The following PRKCA variants were observed in gnomAD, a reference collection of about 807,000 sequenced individuals.
The protein encoded by PRKCA is protein kinase C alpha type.
In PRKCA, 27 loss-of-function variants were observed where a neutral mutation model predicts 87.0. That is an observed-to-expected ratio of 0.31 (90% confidence interval 0.23 to 0.43). PRKCA has a LOEUF of 0.43. PRKCA is among the 20% of genes least tolerant of loss of function. The pLI is 1.00. For missense variants in PRKCA, 518 were observed against 852.3 expected (o/e 0.61, Z 4.88); for synonymous variants, 329 against 311.1 (o/e 1.06, Z -0.61).
At chr17:66,729,780 C>CT (rs60247180) in intron 8 of PRKCA, among the ~76,000 whole-genome samples, 3,276 of 105,034 alleles carry the variant, frequency 0.031, 169 homozygotes, top group African/African-American at 0.037. Flanking sequence ...GCGAGTTATT[C>CT]TTTTTTTTTT....
intron 2 of PRKCA, among the ~76,000 whole-genome samples, chr17:66,433,908 G>A (rs1913234317): frequency 6.6e-6 from 1 of 152,138 alleles, no homozygotes; most frequent in Non-Finnish European, 1.5e-5. Flanking sequence ...GCACCTGGTT[G>A]TTAACTGAGT....
At chr17:66,493,363 C>T (rs1916328110) in intron 2 of PRKCA, among the ~76,000 whole-genome samples, 2 of 150,622 alleles carry the variant, frequency 1.3e-5, no homozygotes, top group South Asian at 4.2e-4. Flanking sequence ...TCCTGTTACC[C>T]ATGTAAAAAA....
rs1331647560 is a variant in PRKCA at position 66,796,333 on chromosome 17, A to G, written c.1854+7354A>G. 4.8e-6 allele frequency: 3 copies of G among 620,394 alleles called. No homozygotes were observed. The African/African-American group carries it at 6.0e-5, about 12-fold the overall frequency. The allele number at this position is 620,394 out of a possible 1,614,324, so 38.4% of individuals were successfully genotyped here. ...CAATGTATCCGACAGGTGTTTCCGC[A>G]TCAGCTCACGTGGGTTTATAGCATT... On this transcript the variant is annotated intron_variant, in intron 16 of 16. Coordinates refer to ENST00000413366, the MANE Select transcript of PRKCA (RefSeq NM_002737.3).
intron 2 of PRKCA, among the ~76,000 whole-genome samples, chr17:66,489,361 A>G (rs1916122741): frequency 1.7e-5 from 1 of 59,296 alleles, no homozygotes; most frequent in African/African-American, 7.1e-5. Flanking sequence ...GCATATATAT[A>G]TATATATATA....
chr17:66,374,757 T>C lies in PRKCA; in HGVS notation c.205+68630T>C, dbSNP rs867790542. Among the ~76,000 whole-genome samples the C allele has an allele frequency of 7.6e-4, 110 of 144,116 alleles. 1 individual carries two copies. Among genetic ancestry groups the C allele is most frequent in the African/African-American group, 2.7e-3 (105 of 38,630 alleles). 94.5% of individuals were successfully genotyped at this position (144,116 alleles called of 152,430 possible). A position where few individuals can be genotyped will look rare whatever the true frequency, so the allele number is the denominator to read the frequency against. On this transcript the variant is annotated intron_variant, in intron 2 of 16. Coordinates refer to ENST00000413366, the MANE Select transcript of PRKCA (RefSeq NM_002737.3). ...TTTTTTTTCTTTCTGAGACACGGTCTTGCTCTGTCGTCCAGGCTGGAGCAC... is the reference window on the plus strand; with the variant it reads ...TTTTTTTTCTTTCTGAGACACGGTCCTGCTCTGTCGTCCAGGCTGGAGCAC...
intron 16 of PRKCA, among the ~76,000 whole-genome samples, chr17:66,789,606 A>G (rs928441598): frequency 3.3e-5 from 5 of 152,134 alleles, no homozygotes; most frequent in African/African-American, 1.2e-4. Flanking sequence ...TACGAATATT[A>G]ATTCACTCAA....
Position 66,605,320 on chromosome 17 carries a change from G to T in PRKCA, c.289-36035G>T, listed in dbSNP as rs541630706. On this transcript the variant is annotated intron_variant, in intron 3 of 16. Transcript: ENST00000413366. ...CCCATGAGACCTGTGGGACTCCAAA[G>T]CTGGTGCTTTTCTCATTAGAACATG... 3.3e-5 allele frequency among the ~76,000 whole-genome samples: 5 copies of T among 152,290 alleles called. No homozygotes were observed. In the South Asian group the frequency reaches 6.2e-4, roughly 19 times the overall value.
At chr17:66,700,808 A>G (rs1254529112) in intron 8 of PRKCA, among the ~76,000 whole-genome samples, 2 of 152,172 alleles carry the variant, frequency 1.3e-5, no homozygotes, top group African/African-American at 4.8e-5. Flanking sequence ...ACCTAAATAA[A>G]TGGGAAGATA....
intron 14 of PRKCA, chr17:66,778,008 GCCTCAGA>G (rs917335493): frequency 4.5e-5 from 44 of 985,268 alleles, no homozygotes; most frequent in Middle Eastern, 5.2e-4. Context: ...TGCCACACTG[GCCTCAGA>G]CCTCATTTGC....
chr17:66,333,288 A>C (rs116066174), intron 2 of PRKCA, among the ~76,000 whole-genome samples: 2,134 of 152,330 alleles, frequency 0.014, 52 homozygotes, highest in African/African-American at 0.049. Flanking sequence ...GCAAATAAGC[A>C]TAATTTTTAA....
chr17:66,566,481 T>G (rs12942269), intron 3 of PRKCA, among the ~76,000 whole-genome samples: 1 of 67,364 alleles, frequency 1.5e-5, no homozygotes, highest in Non-Finnish European at 3.6e-5. Flanking sequence ...TGTTTTTTGG[T>G]TTTTTTTTTT....
intron 2 of PRKCA, among the ~76,000 whole-genome samples, chr17:66,493,774 A>G (rs1000825396): frequency 2.0e-4 from 31 of 152,254 alleles, no homozygotes; most frequent in African/African-American, 5.8e-4. Flanking sequence ...TGCTCAGTAA[A>G]TGGTGCTGTG....
intron 13 of PRKCA, among the ~76,000 whole-genome samples, chr17:66,746,100 C>T (rs1035223142): frequency 1.3e-5 from 2 of 151,480 alleles, no homozygotes; most frequent in Non-Finnish European, 2.9e-5. Context: ...AAACATCAGG[C>T]ACCACTGCTT....
At chr17:66,783,094 CTGACATGTGG>C (rs1236731435) in intron 14 of PRKCA, among the ~76,000 whole-genome samples, 3 of 152,318 alleles carry the variant, frequency 2.0e-5, no homozygotes, top group Non-Finnish European at 4.4e-5. Flanking sequence ...TGTCCCCTCC[CTGACATGTGG>C]TGACAGAGAA....
intron 3 of PRKCA, among the ~76,000 whole-genome samples, chr17:66,561,703 C>T (rs1968683502): frequency 6.6e-6 from 1 of 152,078 alleles, no homozygotes; most frequent in South Asian, 2.1e-4. Context: ...GTGGTAACTA[C>T]ATATGATAGA....
chr17:66,465,852 T>G (rs1005791622), intron 2 of PRKCA, among the ~76,000 whole-genome samples: 2 of 152,242 alleles, frequency 1.3e-5, no homozygotes, highest in African/African-American at 4.8e-5. Flanking sequence ...ACATTTTAAA[T>G]GCTTTTTGGA....
intron 3 of PRKCA, among the ~76,000 whole-genome samples, chr17:66,631,652 G>A (rs1249019336): frequency 6.6e-6 from 1 of 151,968 alleles, no homozygotes; most frequent in Non-Finnish European, 1.5e-5. Context: ...AGTTGTGCAG[G>A]GTGACTATAA....
At chr17:66,504,587 T>C (rs1197060476) in intron 3 of PRKCA, among the ~76,000 whole-genome samples, 1 of 149,084 alleles carries the variant, frequency 6.7e-6, no homozygotes, top group African/African-American at 2.5e-5. Flanking sequence ...AGTGAAACTC[T>C]GCCTCAAAAA....
intron 8 of PRKCA, among the ~76,000 whole-genome samples, chr17:66,702,932 AG>A (rs1973098424): frequency 6.6e-6 from 1 of 152,212 alleles, no homozygotes; most frequent in East Asian, 1.9e-4. Flanking sequence ...AACATAGAAA[AG>A]GTACAGTAAA....
Sources: gnomAD v4.1 joint callset for allele counts (sites outside exome capture counted in the v4.1 genomes callset) on GRCh38, gnomAD v4.1.1 for gene constraint, MANE v1.5 for transcripts, NCBI Gene and HGNC (gene_info 2026-07-23, HGNC 2026-07-21) for gene names.